The following DPP6 variants were observed in gnomAD, a reference collection of about 807,000 sequenced individuals.
DPP6 encodes the protein A-type potassium channel modulatory protein DPP6.
In DPP6, 69 loss-of-function variants were observed where a neutral mutation model predicts 122.6. The ratio of observed to expected loss-of-function variants is 0.56; its 90% CI spans 0.46 to 0.69. DPP6 has a LOEUF of 0.69. DPP6 is among the 30% of genes least tolerant of loss of function. The pLI, the probability that DPP6 is intolerant of heterozygous loss-of-function variation, is 0.00. For synonymous variants in DPP6, 418 were observed against 433.1 expected (o/e 0.97, Z 0.43); for missense variants, 928 against 1,116.9 (o/e 0.83, Z 2.41).
At chr7:154,202,901 C>T (rs570887580) in intron 1 of DPP6, among the ~76,000 whole-genome samples, 1 of 152,266 alleles carries the variant, frequency 6.6e-6, no homozygotes, top group South Asian at 2.1e-4. Flanking sequence ...AGCTAACAGG[C>T]ACAGGCATGC....
At chr7:154,844,768 A>G (rs902982446) in intron 16 of DPP6, among the ~76,000 whole-genome samples, 1 of 152,260 alleles carries the variant, frequency 6.6e-6, no homozygotes, top group African/African-American at 2.4e-5. Context: ...ATCAACAGAT[A>G]CAAAATTATA....
chr7:154,758,242 C>T (rs771430422), intron 8 of DPP6, among the ~76,000 whole-genome samples: 27 of 152,166 alleles, frequency 1.8e-4, no homozygotes, highest in Non-Finnish European at 3.1e-4. Context: ...CAGTCAGGGC[C>T]GGGAAACAGG....
intron 6 of DPP6, among the ~76,000 whole-genome samples, chr7:154,647,039 T>G (rs1836529612): frequency 6.6e-6 from 1 of 152,230 alleles, no homozygotes; most frequent in Non-Finnish European, 1.5e-5. Context: ...GTCAGGCTCC[T>G]TGTTCATCTT....
At chr7:154,630,787 G>A (rs1028575934) in intron 5 of DPP6, among the ~76,000 whole-genome samples, 3 of 152,054 alleles carry the variant, frequency 2.0e-5, no homozygotes, top group Admixed American at 2.0e-4. Context: ...CCTGTCGGGG[G>A]ATGGGAGGCA....
At chr7:153,966,250 C>T (rs1006006275) in intron 1 of DPP6, among the ~76,000 whole-genome samples, 2 of 150,900 alleles carry the variant, frequency 1.3e-5, no homozygotes, top group Non-Finnish European at 2.9e-5. Flanking sequence ...CTATATCTGA[C>T]GAAGTCAGCA....
intron 10 of DPP6, among the ~76,000 whole-genome samples, chr7:154,786,837 C>G (rs10270979): frequency 2.6e-5 from 4 of 152,014 alleles, no homozygotes; most frequent in Admixed American, 6.6e-5. Flanking sequence ...TACTTTCAAT[C>G]GTTCCTCCTG....
intron 1 of DPP6, among the ~76,000 whole-genome samples, chr7:154,286,635 C>T (rs1804867754): frequency 6.6e-6 from 1 of 152,054 alleles, no homozygotes; most frequent in Non-Finnish European, 1.5e-5. Flanking sequence ...CAGGTGGCTC[C>T]ATTCCTCTCC....
Position 154,804,871 on chromosome 7 carries a change from G to A in DPP6, c.1500-46G>A, listed in dbSNP as rs375424029. ...AGTGCCAGGAATGTGAAGTGCAGAC[G>A]TGCCTTGGAGCAAACTAACCCTGTG... is the stretch of plus-strand genomic sequence containing the variant. On this transcript the variant is annotated intron_variant, in intron 14 of 25. Coordinates refer to ENST00000377770, the MANE Select transcript of DPP6 (RefSeq NM_130797.4). The A allele has an allele frequency of 1.6e-4, 259 of 1,576,622 alleles. 1 individual carries two copies. In the Middle Eastern group the frequency reaches 2.7e-3, roughly 16 times the overall value.
chr7:154,367,954 C>T (rs1031434597), intron 1 of DPP6, among the ~76,000 whole-genome samples: 3 of 152,116 alleles, frequency 2.0e-5, no homozygotes, highest in East Asian at 1.9e-4. Context: ...TTACAGGCAC[C>T]TGCCACCACG....
chr7:153,861,288 A>G, the DPP6 span, among the ~76,000 whole-genome samples: 1 of 152,252 alleles, frequency 6.6e-6, no homozygotes, highest in Non-Finnish European at 1.5e-5. Flanking sequence ...ATTGAAAATT[A>G]AGATAACACA....
chr7:154,130,860 A>C (rs184503044), intron 1 of DPP6, among the ~76,000 whole-genome samples: 52 of 152,310 alleles, frequency 3.4e-4, no homozygotes, highest in Non-Finnish European at 6.5e-4. Flanking sequence ...GCAAGACGCC[A>C]AAACAACTAC....
In DPP6 at chr7:154,479,644, T is replaced by TCA. The variant is rs535558759; in HGVS notation, c.457+4610_457+4611dup. On this transcript the variant is annotated intron_variant, in intron 3 of 25. Transcript: ENST00000377770. ...AAGAGGTGCACACTCCCAGAAGTGG[T>TCA]CACAGCATTGCCTCTCCAAGTATTT... 1.1e-4 allele frequency among the ~76,000 whole-genome samples: 17 copies of TCA among 151,738 alleles called. No homozygotes were observed. The South Asian group carries it at 3.3e-3, about 30-fold the overall frequency.
intron 13 of DPP6, among the ~76,000 whole-genome samples, chr7:154,802,720 C>T (rs1261414276): frequency 6.6e-6 from 1 of 151,964 alleles, no homozygotes; most frequent in East Asian, 1.9e-4. Context: ...GCCTGTAGTC[C>T]CAGCTACTTG....
chr7:154,650,282 A>C (rs1836789784), intron 6 of DPP6, among the ~76,000 whole-genome samples: 2 of 151,780 alleles, frequency 1.3e-5, no homozygotes, highest in Admixed American at 1.3e-4. Context: ...CTCTGATTGC[A>C]CCATTGCACT....
intron 7 of DPP6, among the ~76,000 whole-genome samples, chr7:154,694,741 C>G (rs6962306): frequency 0.78 from 118,244 of 152,124 alleles, 48,083 homozygotes; most frequent in East Asian, 0.92. Flanking sequence ...GCCCGGCGGA[C>G]CCCTTTCCTA....
chr7:154,863,542 A>G lies in DPP6; in HGVS notation c.1715-4453A>G, dbSNP rs1211724318. Among the ~76,000 whole-genome samples, 2 of 151,838 alleles carry G rather than the reference A, an allele frequency of 1.3e-5. No individual in the cohort carries two copies. The highest frequency in any genetic ancestry group is 3.4e-3 in the Middle Eastern group (1 of 294). On this transcript the variant is annotated intron_variant, in intron 17 of 25. Transcript: ENST00000377770. The surrounding 1 kb of genome is among the most constrained non-coding windows in gnomAD (Gnocchi z 4.1). ...GGATTTTTTTATGTTTATATTTTGT[A>G]GAGATGGAGTTGGGATTACAGGTGT...
the DPP6 span, among the ~76,000 whole-genome samples, chr7:153,810,682 CTCTCTCT>C: frequency 0.031 from 4,351 of 141,950 alleles, 75 homozygotes; most frequent in African/African-American, 0.035. Context: ...CTCTCTCTCT[CTCTCTCT>C]CTCTCTCTCT....
At chr7:154,393,838 A>T (rs922235334) in intron 1 of DPP6, among the ~76,000 whole-genome samples, 6 of 151,998 alleles carry the variant, frequency 3.9e-5, no homozygotes, top group African/African-American at 1.2e-4. Flanking sequence ...ACCACCATCC[A>T]ATGTTCTGTC....
intron 1 of DPP6, among the ~76,000 whole-genome samples, chr7:154,008,991 GTTC>G (rs1310185398): frequency 7.4e-6 from 1 of 134,794 alleles, no homozygotes; most frequent in East Asian, 2.2e-4. Flanking sequence ...ACTCACAAGA[GTTC>G]TTCTGCATGT....
Sources: gnomAD v4.1 joint callset for allele counts (sites outside exome capture counted in the v4.1 genomes callset) on GRCh38, gnomAD v4.1.1 for gene constraint, Gnocchi (gnomAD v3.1) non-coding constraint, MANE v1.5 for transcripts, NCBI Gene and HGNC (gene_info 2026-07-23, HGNC 2026-07-21) for gene names.